The following GLG1 variants were observed in gnomAD, a reference collection of about 807,000 sequenced individuals.
GLG1 encodes golgi glycoprotein 1, also known as Golgi apparatus protein 1.
A neutral mutation model predicts 160.5 loss-of-function variants in GLG1; 38 were observed. That is an observed-to-expected ratio of 0.24 (90% CI 0.18 to 0.31). The LOEUF (loss-of-function observed/expected upper bound fraction) is 0.31. Ranked by LOEUF, GLG1 falls within the 10% of genes least tolerant of loss-of-function variation. The pLI, the probability that GLG1 is intolerant of heterozygous loss-of-function variation, is 1.00. For synonymous variants in GLG1, 644 were observed against 543.4 expected (o/e 1.19, Z -2.57); for missense variants, 1,373 against 1,505.2 (o/e 0.91, Z 1.45).
intron 1 of GLG1, among the ~76,000 whole-genome samples, chr16:74,586,275 T>C (rs559430593): frequency 5.9e-5 from 9 of 152,260 alleles, no homozygotes; most frequent in South Asian, 2.1e-4. Context: ...ACAACTTCTC[T>C]TGTGTTCAAC....
chr16:74,549,159 A>T (rs1423195174), intron 1 of GLG1, among the ~76,000 whole-genome samples: 1 of 152,184 alleles, frequency 6.6e-6, no homozygotes, highest in Non-Finnish European at 1.5e-5. Context: ...TTCTGCAAAA[A>T]TTTAATATTT....
At chr16:74,598,411 C>T (rs1314256415) in intron 1 of GLG1, among the ~76,000 whole-genome samples, 1 of 151,220 alleles carries the variant, frequency 6.6e-6, no homozygotes, top group Non-Finnish European at 1.5e-5. Flanking sequence ...GTCCCAGCTA[C>T]TCGGGAGGCT....
intron 1 of GLG1, among the ~76,000 whole-genome samples, chr16:74,584,725 G>C (rs1029256815): frequency 6.6e-6 from 1 of 151,942 alleles, no homozygotes; most frequent in South Asian, 2.1e-4. Flanking sequence ...AGACTACCCT[G>C]GCCAACATGA....
chr16:74,466,205 A>T (rs1276292347), intron 18 of GLG1, among the ~76,000 whole-genome samples: 2 of 152,198 alleles, frequency 1.3e-5, no homozygotes, highest in Non-Finnish European at 2.9e-5. Flanking sequence ...CCCACTATTT[A>T]CCACCTGAGA....
chr16:74,460,890 G>A (rs1414327919), intron 22 of GLG1, among the ~76,000 whole-genome samples: 1 of 152,212 alleles, frequency 6.6e-6, no homozygotes, highest in East Asian at 1.9e-4. Context: ...ATTCACATAG[G>A]TTCAGGGTCA....
chr16:74,535,950 G>A (rs1172301110), intron 1 of GLG1, among the ~76,000 whole-genome samples: 2 of 152,036 alleles, frequency 1.3e-5, no homozygotes, highest in African/African-American at 2.4e-5. Flanking sequence ...GAGAGAGAAC[G>A]AAATATAAAA....
intron 2 of GLG1, among the ~76,000 whole-genome samples, chr16:74,525,993 C>T (rs941878260): frequency 2.6e-5 from 4 of 151,844 alleles, no homozygotes; most frequent in African/African-American, 9.7e-5. Context: ...CCCATCTCTA[C>T]AAAATAGAGA....
At chr16:74,604,900 T>C (rs1567553709) in intron 1 of GLG1, among the ~76,000 whole-genome samples, 1 of 151,982 alleles carries the variant, frequency 6.6e-6, no homozygotes, top group African/African-American at 2.4e-5. Context: ...AATACAAAAA[T>C]TAGCTGGGCG....
At chr16:74,456,220 C>A (rs911699071) in intron 25 of GLG1, among the ~76,000 whole-genome samples, 1 of 152,170 alleles carries the variant, frequency 6.6e-6, no homozygotes, top group African/African-American at 2.4e-5. Flanking sequence ...GAACAGTGGG[C>A]GAAATGAGAA....
At chr16:74,566,843 C>T (rs1019127630) in intron 1 of GLG1, among the ~76,000 whole-genome samples, 2 of 152,154 alleles carry the variant, frequency 1.3e-5, no homozygotes, top group African/African-American at 4.8e-5. Context: ...TTATTCTCCA[C>T]ACCAGGAAAA....
In GLG1 at chr16:74,503,567, G is replaced by A. The variant is rs2016491699; in HGVS notation, c.738C>T (p.Asn246=). ...GFMDDCKNDI[N]ILKCGSIRLG... ...GCCGAATACTGCCACATTTCAGAATGTTGATGTCATTTTTGCAGTCATCCA... is the reference window on the plus strand; with the variant it reads ...GCCGAATACTGCCACATTTCAGAATATTGATGTCATTTTTGCAGTCATCCA... The change falls in exon 4 of 26, where the codon AAC becomes AAT. Residue 246 remains asparagine, a synonymous_variant. Coordinates refer to ENST00000422840, the MANE Select transcript of GLG1 (RefSeq NM_001145667.2). 2 of 1,613,192 alleles carry A rather than the reference G, an allele frequency of 1.2e-6. No individual in the cohort carries two copies. Among genetic ancestry groups the A allele is most frequent in the Admixed American group, 3.3e-5 (2 of 59,994 alleles).
chr16:74,556,095 T>A (rs1489122787), intron 1 of GLG1, among the ~76,000 whole-genome samples: 1 of 152,212 alleles, frequency 6.6e-6, no homozygotes, highest in Admixed American at 6.5e-5. Context: ...CACCTTAGCC[T>A]CTCAAAGTGC....
chr16:74,479,078 A>AAAAAAAAAAAAAAAT (rs2015503519), intron 11 of GLG1, among the ~76,000 whole-genome samples: 1 of 123,820 alleles, frequency 8.1e-6, no homozygotes, highest in Non-Finnish European at 1.7e-5. Flanking sequence ...AAAAAAAAAA[A>AAAAAAAAAAAAAAAT]GCCAGGCATG....
intron 23 of GLG1, among the ~76,000 whole-genome samples, chr16:74,459,204 C>A (rs941889051): frequency 6.6e-6 from 1 of 152,030 alleles, no homozygotes; most frequent in Non-Finnish European, 1.5e-5. Flanking sequence ...TTTGGCTGGG[C>A]GCGGTGGCTC....
chr16:74,464,235 G>C (rs930046368), intron 19 of GLG1, among the ~76,000 whole-genome samples: 1 of 152,152 alleles, frequency 6.6e-6, no homozygotes, highest in African/African-American at 2.4e-5. Context: ...AAGCATGAAT[G>C]TAACACTGTA....
At chr16:74,468,696 A>G (rs945374289) in intron 17 of GLG1, 1 of 487,852 alleles carries the variant, frequency 2.0e-6, no homozygotes, top group Non-Finnish European at 3.8e-6. Context: ...CAGTGATTGG[A>G]TCACATGCTT....
chr16:74,563,396 T>C (rs2018561929), intron 1 of GLG1: 2 of 152,224 alleles, frequency 1.3e-5, no homozygotes, highest in African/African-American at 4.8e-5. Context: ...TAGGTCACTT[T>C]TTCCAGAGTT....
chr16:74,596,324 T>C (rs993246567), intron 1 of GLG1, among the ~76,000 whole-genome samples: 1 of 152,116 alleles, frequency 6.6e-6, no homozygotes, highest in Non-Finnish European at 1.5e-5. Flanking sequence ...AGGTCAGCAG[T>C]TCGAGACAAG....
At chr16:74,587,070 G>A (rs1170464951) in intron 1 of GLG1, among the ~76,000 whole-genome samples, 1 of 152,130 alleles carries the variant, frequency 6.6e-6, no homozygotes, top group African/African-American at 2.4e-5. Context: ...AATCCAAGAA[G>A]TAATGATTTC....
Sources: allele counts gnomAD v4.1 joint callset (sites outside exome capture counted in the v4.1 genomes callset), GRCh38; gene constraint gnomAD v4.1.1; transcripts MANE v1.5; gene names NCBI Gene and HGNC (gene_info 2026-07-23, HGNC 2026-07-21).